The following JDP2 variants were observed in gnomAD, a reference collection of about 807,000 sequenced individuals.
JDP2 encodes Jun dimerization protein 2.
Under a neutral mutation model 17.1 loss-of-function variants are expected in JDP2, and 9 were observed. That is an observed-to-expected ratio of 0.53 (90% CI 0.32 to 0.92). The LOEUF (loss-of-function observed/expected upper bound fraction) is 0.92, where lower values mean the gene tolerates loss of function less well. Among genes scored for constraint, JDP2 ranks in the 40% least tolerant of loss-of-function variants. The pLI is 0.04. For missense variants in JDP2, 179 were observed against 220.0 expected (o/e 0.81, Z 1.18); for synonymous variants, 107 against 95.6 (o/e 1.12, Z -0.69).
intron 2 of JDP2, among the ~76,000 whole-genome samples, chr14:75,438,709 C>T (rs1264015949): frequency 6.6e-6 from 1 of 152,160 alleles, no homozygotes; most frequent in Admixed American, 6.5e-5. Flanking sequence ...ATGGCGTTTG[C>T]CCGGGACCCA....
chr14:75,433,583 A>G (rs1362049037), intron 1 of JDP2, among the ~76,000 whole-genome samples: 1 of 128,412 alleles, frequency 7.8e-6, no homozygotes, highest in Non-Finnish European at 1.6e-5. Context: ...TTCCTCTTGG[A>G]TCCATCTGGT....
intron 2 of JDP2, among the ~76,000 whole-genome samples, chr14:75,453,206 G>T (rs1206269395): frequency 6.6e-6 from 1 of 152,182 alleles, no homozygotes; most frequent in Non-Finnish European, 1.5e-5. Flanking sequence ...CCCTGGCTTA[G>T]TGCAGCCCTG....
In JDP2 at chr14:75,430,198, C is replaced by T. The variant is rs546632961; in HGVS notation, c.-24+1946C>T. Among the ~76,000 whole-genome samples the T allele has an allele frequency of 6.6e-6, 1 of 152,280 alleles. No homozygotes were observed. The highest frequency in any genetic ancestry group is 6.5e-5 in the Admixed American group (1 of 15,300). On this transcript the variant is annotated intron_variant, in intron 1 of 3. Coordinates refer to ENST00000651602, the MANE Select transcript of JDP2 (RefSeq NM_001135048.2). The surrounding 1 kb of genome is among the most constrained non-coding windows in gnomAD (Gnocchi z 4.5). ...AGAATCCCTGGCAGGAATAGGCTCT[C>T]TGGGCCTTGTTTGTCGTGGGGCTAC... is the stretch of plus-strand genomic sequence containing the variant.
intron 2 of JDP2, chr14:75,445,543 T>G (rs1327287577): frequency 1.2e-5 from 12 of 985,336 alleles, no homozygotes; most frequent in Non-Finnish European, 1.4e-5. Flanking sequence ...AAAGCAGGAC[T>G]GCTGCATTGG....
chr14:75,461,355 C>A, intron 2 of JDP2, 71 bp from the exon 3 acceptor site: 2 of 1,151,920 alleles, frequency 1.7e-6, no homozygotes, highest in Non-Finnish European at 2.6e-6. Flanking sequence ...GTCCCTCTGT[C>A]TATGTGTCAG....
intron 2 of JDP2, among the ~76,000 whole-genome samples, chr14:75,460,773 C>T (rs1424349298): frequency 1.3e-5 from 2 of 152,188 alleles, no homozygotes; most frequent in African/African-American, 2.4e-5. Context: ...GGGGCAGAAG[C>T]GAGGGGCTTC....
chr14:75,429,010 G>C (rs1210939343), intron 1 of JDP2, among the ~76,000 whole-genome samples: 1 of 152,020 alleles, frequency 6.6e-6, no homozygotes. Context: ...GGAGGTTGTC[G>C]AGGGGTAGGG....
At chr14:75,451,279 T>A (rs982312399) in intron 2 of JDP2, among the ~76,000 whole-genome samples, 1 of 149,488 alleles carries the variant, frequency 6.7e-6, no homozygotes, top group African/African-American at 2.5e-5. Flanking sequence ...GGGGCAGTGG[T>A]CAAGGAGAGA....
At chr14:75,429,948 G>A (rs1004214637) in intron 1 of JDP2, among the ~76,000 whole-genome samples, 1 of 152,160 alleles carries the variant, frequency 6.6e-6, no homozygotes, top group African/African-American at 2.4e-5. Context: ...GAAGTCATGG[G>A]TGTGTAGACC....
At position 75,455,425 on chromosome 14, in the gene JDP2, A is replaced by G. The variant is rs577524397; in HGVS notation, c.202-6001A>G. Among the ~76,000 whole-genome samples, 19 of 152,300 alleles carry G rather than the reference A, an allele frequency of 1.2e-4. No homozygotes were observed. The South Asian group carries it at 3.9e-3, about 32-fold the overall frequency. On this transcript the variant is annotated intron_variant, in intron 2 of 3. Coordinates refer to ENST00000651602, the MANE Select transcript of JDP2 (RefSeq NM_001135048.2). ...GTAAATCACAGAGATAGATTCATACACGAGATAGTCTTGTTTGCCTATCAG... is the reference window on the plus strand; with the variant it reads ...GTAAATCACAGAGATAGATTCATACGCGAGATAGTCTTGTTTGCCTATCAG...
intron 3 of JDP2, among the ~76,000 whole-genome samples, chr14:75,466,746 A>G (rs1485688704): frequency 6.6e-6 from 1 of 152,064 alleles, no homozygotes; most frequent in Non-Finnish European, 1.5e-5. Flanking sequence ...CTGTACCCAA[A>G]ACAAACTCCT....
chr14:75,431,979 AG>A (rs1884819423), intron 1 of JDP2, among the ~76,000 whole-genome samples: 1 of 152,236 alleles, frequency 6.6e-6, no homozygotes, highest in South Asian at 2.1e-4. Flanking sequence ...TTTACAGCTG[AG>A]GAAAGAGAGG....
At chr14:75,435,453 T>G (rs1885021975) in intron 1 of JDP2, among the ~76,000 whole-genome samples, 1 of 152,210 alleles carries the variant, frequency 6.6e-6, no homozygotes, top group Non-Finnish European at 1.5e-5. Flanking sequence ...GACCCTCTAC[T>G]GTGGGCTGGT....
intron 2 of JDP2, among the ~76,000 whole-genome samples, chr14:75,446,686 A>G (rs1402451072): frequency 6.6e-6 from 1 of 152,162 alleles, no homozygotes; most frequent in Non-Finnish European, 1.5e-5. Flanking sequence ...GTGATGGCCA[A>G]GGGATATGAG....
chr14:75,427,748 T>C (rs1884587210), upstream of JDP2: 1 of 150,544 alleles, frequency 6.6e-6, no homozygotes, highest in South Asian at 2.2e-4. This position sits in a 1 kb window ranked among gnomAD's most constrained non-coding sequence, Gnocchi z 4.4. Flanking sequence ...CACCGTGGGG[T>C]GGCGGAGCCG....
chr14:75,462,200 T>C (rs1197685645), intron 3 of JDP2, among the ~76,000 whole-genome samples: 1 of 152,226 alleles, frequency 6.6e-6, no homozygotes, highest in African/African-American at 2.4e-5. Context: ...AAGTCCTGCC[T>C]CTCAGAGCTT....
rs1244769419 is a variant in JDP2, at chr14:75,428,228, CGCCTCCCCCCGCACCTTCT to C, written c.-45_-27del. On this transcript the variant is annotated 5_prime_UTR_variant, in exon 1 of 4. Transcript: ENST00000651602. The surrounding 1 kb of genome is among the most constrained non-coding windows in gnomAD (Gnocchi z 5.6). ...AGCCGGGCCCCGGCCCCGGGGGCGC[CGCCTCCCCCCGCACCTTCT>C]GCACGGTGGGTGCGAGGGCGCGCGC... 2.1e-5 allele frequency: 3 copies of C among 146,014 alleles called. No individual in the cohort carries two copies. Among genetic ancestry groups the C allele is most frequent in the Non-Finnish European group, 4.6e-5 (3 of 65,702 alleles). The allele number at this position is 146,014 out of a possible 1,614,324, so 9.0% of individuals were successfully genotyped here.
At chr14:75,432,023 C>T (rs1315650581) in intron 1 of JDP2, 1 of 498,162 alleles carries the variant, frequency 2.0e-6, no homozygotes, top group Non-Finnish European at 3.6e-6. Flanking sequence ...CCCAAGGGCA[C>T]ACAGCTAGTA....
At chr14:75,434,496 G>T (rs1252304215) in intron 1 of JDP2, among the ~76,000 whole-genome samples, 3 of 152,102 alleles carry the variant, frequency 2.0e-5, no homozygotes, top group African/African-American at 7.2e-5. Flanking sequence ...TCCTGGGTGA[G>T]GCTTGTCATT....
Sources: gnomAD v4.1 joint callset for allele counts (sites outside exome capture counted in the v4.1 genomes callset) on GRCh38, gnomAD v4.1.1 for gene constraint, Gnocchi (gnomAD v3.1) non-coding constraint, MANE v1.5 for transcripts, NCBI Gene and HGNC (gene_info 2026-07-23, HGNC 2026-07-21) for gene names.